PTPRT: variants seen among roughly 807,000 people sequenced by gnomAD.
The protein encoded by PTPRT is receptor-type tyrosine-protein phosphatase T.
A neutral mutation model predicts 176.8 loss-of-function variants in PTPRT; 56 were observed. The ratio of observed to expected loss-of-function variants is 0.32; its 90% CI spans 0.26 to 0.40. PTPRT has a LOEUF of 0.40. PTPRT is among the 10% of genes least tolerant of loss of function. PTPRT has a pLI of 1.00. For synonymous variants in PTPRT, 783 were observed against 739.0 expected (o/e 1.06, Z -0.96); for missense variants, 1,540 against 1,908.2 (o/e 0.81, Z 3.60).
rs115843118 is a variant in PTPRT, at chr20:42,289,580, G to A, written c.2140-7055C>T. ...GAAATGCAAATCAAAACAAGATACT[G>A]TCTCATACCAGTCAGAATGGCTATT... On this transcript the variant is annotated intron_variant, in intron 12 of 30. Transcript: ENST00000373187. Among the ~76,000 whole-genome samples the A allele has an allele frequency of 3.4e-3, 515 of 152,184 alleles. 7 individuals are homozygous for A. Among genetic ancestry groups the A allele is most frequent in the African/African-American group, 0.01 (435 of 41,532 alleles).
At chr20:43,025,878 T>C (rs1424136331) in intron 1 of PTPRT, among the ~76,000 whole-genome samples, 2 of 152,042 alleles carry the variant, frequency 1.3e-5, no homozygotes, top group Non-Finnish European at 2.9e-5. Flanking sequence ...TCTGGCACCC[T>C]TGCTTAGGAA....
At chr20:42,807,962 G>A (rs938094386) in intron 2 of PTPRT, among the ~76,000 whole-genome samples, 8 of 152,286 alleles carry the variant, frequency 5.3e-5, no homozygotes, top group African/African-American at 1.9e-4. Context: ...CCAGCTGCCA[G>A]GGCACTTAGG....
In PTPRT at chr20:42,074,585, T is replaced by C; in HGVS notation, c.*6294A>G. ...ATAATGATCAAGCCCCTAAAACTCT[T>C]CCCAATAGATTTTCTTTCATCCTGA... On this transcript the variant is annotated 3_prime_UTR_variant, in exon 31 of 31. Coordinates refer to ENST00000373187, the MANE Select transcript of PTPRT (RefSeq NM_007050.6). The C allele has an allele frequency of 2.5e-6, 1 of 392,766 alleles. No individual in the cohort carries two copies. The highest frequency in any genetic ancestry group is 4.5e-6 in the Non-Finnish European group (1 of 222,900). The allele number at this position is 392,766 out of a possible 1,614,324, so 24.3% of individuals were successfully genotyped here. A position where few individuals can be genotyped will look rare whatever the true frequency, so the allele number is the denominator to read the frequency against.
chr20:42,315,184 C>CAAAAAAAAAAAAAAAAAAAA (rs71193656), intron 12 of PTPRT, among the ~76,000 whole-genome samples: 1 of 63,400 alleles, frequency 1.6e-5, no homozygotes, highest in African/African-American at 7.1e-5. Context: ...GGCTCCGTCT[C>CAAAAAAAAAAAAAAAAAAAA]AAAAAAAAAA....
chr20:42,292,319 T>A (rs955616132), intron 12 of PTPRT, among the ~76,000 whole-genome samples: 9 of 151,236 alleles, frequency 6.0e-5, no homozygotes, highest in Non-Finnish European at 1.2e-4. Context: ...TTTTTTTTTT[T>A]AAAAGATGTC....
At chr20:42,392,639 T>G (rs909522093) in intron 9 of PTPRT, among the ~76,000 whole-genome samples, 5 of 152,166 alleles carry the variant, frequency 3.3e-5, no homozygotes, top group African/African-American at 4.8e-5. Flanking sequence ...ACCCCTATCT[T>G]CAGAGATTTA....
At chr20:42,694,448 C>T (rs1032480822) in intron 6 of PTPRT, among the ~76,000 whole-genome samples, 6 of 152,108 alleles carry the variant, frequency 3.9e-5, no homozygotes, top group African/African-American at 1.4e-4. Flanking sequence ...TAACCATTCT[C>T]CCGTTAAGGG....
intron 14 of PTPRT, among the ~76,000 whole-genome samples, chr20:42,244,749 C>A (rs569936397): frequency 2.4e-4 from 36 of 152,326 alleles, no homozygotes; most frequent in Admixed American, 9.8e-4. Flanking sequence ...TCACGCTCCA[C>A]AAACAAACAT....
intron 1 of PTPRT, among the ~76,000 whole-genome samples, chr20:42,902,221 A>G (rs961121561): frequency 6.6e-6 from 1 of 152,106 alleles, no homozygotes. Context: ...TTTTCAGAGG[A>G]AACAAAAAAA....
chr20:42,993,525 T>C (rs369049570), intron 1 of PTPRT, among the ~76,000 whole-genome samples: 1 of 85,864 alleles, frequency 1.2e-5, no homozygotes, highest in African/African-American at 5.1e-5. Flanking sequence ...TGTATATATA[T>C]ACACATATAT....
intron 5 of PTPRT, among the ~76,000 whole-genome samples, chr20:42,759,774 T>C (rs114319541): frequency 1.6e-3 from 241 of 152,310 alleles, no homozygotes; most frequent in African/African-American, 5.5e-3. Flanking sequence ...TGTGGCAAGA[T>C]TTTCAAGTCA....
chr20:43,166,352 G>A (rs1327005462), intron 1 of PTPRT, among the ~76,000 whole-genome samples: 1 of 150,888 alleles, frequency 6.6e-6, no homozygotes. Flanking sequence ...ACCCTCTATG[G>A]ATCTGTAGAT....
At chr20:42,624,242 G>A (rs920064007) in intron 7 of PTPRT, among the ~76,000 whole-genome samples, 14 of 152,214 alleles carry the variant, frequency 9.2e-5, no homozygotes, top group South Asian at 4.2e-4. Flanking sequence ...TTCTGTTGGC[G>A]CTGCCTGCAA....
chr20:42,676,197 G>A (rs759270183), intron 7 of PTPRT, among the ~76,000 whole-genome samples: 4 of 152,070 alleles, frequency 2.6e-5, no homozygotes, highest in Admixed American at 1.3e-4. Context: ...GCCATTTCAC[G>A]TGCATAAAAT....
At chr20:42,628,869 A>G (rs2074347683) in intron 7 of PTPRT, among the ~76,000 whole-genome samples, 1 of 152,208 alleles carries the variant, frequency 6.6e-6, no homozygotes, top group African/African-American at 2.4e-5. Flanking sequence ...CATTTGGTCC[A>G]CAAATGCTAA....
In PTPRT at chr20:42,310,666, A is replaced by T. The variant is rs569483998; in HGVS notation, c.2139+5057T>A. 6.7e-4 allele frequency among the ~76,000 whole-genome samples: 102 copies of T among 152,294 alleles called. 3 individuals are homozygous for T. In the South Asian group the frequency reaches 0.015, roughly 23 times the overall value. On this transcript the variant is annotated intron_variant, in intron 12 of 30. Coordinates refer to ENST00000373187, the MANE Select transcript of PTPRT (RefSeq NM_007050.6). ...CTCGTCTAGACTAGATGACACTTCA[A>T]AGTCCTTCCTACTCTATGATGCTAT...
intron 6 of PTPRT, among the ~76,000 whole-genome samples, chr20:42,726,544 C>T (rs1339623945): frequency 1.3e-5 from 2 of 152,244 alleles, no homozygotes; most frequent in Non-Finnish European, 2.9e-5. Context: ...GATTCTGAGG[C>T]CAGATGGCCT....
chr20:42,534,011 G>A (rs1174051741), intron 7 of PTPRT, among the ~76,000 whole-genome samples: 1 of 152,178 alleles, frequency 6.6e-6, no homozygotes, highest in Non-Finnish European at 1.5e-5. Context: ...TTTCCATAGA[G>A]ATCCATGTGA....
At chr20:42,308,800 C>G (rs1568760189) in intron 12 of PTPRT, among the ~76,000 whole-genome samples, 1 of 152,178 alleles carries the variant, frequency 6.6e-6, no homozygotes. Context: ...CATGTGCAAC[C>G]ATTTCTTTAA....
Sources: gnomAD v4.1 joint callset for allele counts (sites outside exome capture counted in the v4.1 genomes callset) on GRCh38, gnomAD v4.1.1 for gene constraint, MANE v1.5 for transcripts, NCBI Gene and HGNC (gene_info 2026-07-23, HGNC 2026-07-21) for gene names.